Variants in TNPO1 observed in about 807,000 individuals in gnomAD.
The protein encoded by TNPO1 is transportin 1.
TNPO1 carries 8 observed loss-of-function variants against 119.5 expected under a neutral mutation model. That is an observed-to-expected ratio of 0.07 (90% CI 0.04 to 0.12). The LOEUF is 0.12. Ranked by LOEUF, TNPO1 falls within the 10% of genes least tolerant of loss-of-function variation. TNPO1 has a pLI of 1.00. For synonymous variants in TNPO1, 362 were observed against 363.0 expected (o/e 1.00, Z 0.03); for missense variants, 576 against 1,089.8 (o/e 0.53, Z 6.64).
intron 7 of TNPO1, among the ~76,000 whole-genome samples, chr5:72,872,987 A>G (rs186891720): frequency 6.6e-6 from 1 of 152,120 alleles, no homozygotes; most frequent in African/African-American, 2.4e-5. Context: ...TAGTATCTTG[A>G]CTACTTTAAA....
At chr5:72,820,734 T>G (rs1743924010) in intron 1 of TNPO1, among the ~76,000 whole-genome samples, 1 of 152,166 alleles carries the variant, frequency 6.6e-6, no homozygotes, top group Non-Finnish European at 1.5e-5. Flanking sequence ...ATTCAGAATT[T>G]TATACTATAA....
At chr5:72,873,173 TC>T (rs1333693627) in intron 7 of TNPO1, among the ~76,000 whole-genome samples, 8 of 152,008 alleles carry the variant, frequency 5.3e-5, no homozygotes, top group Non-Finnish European at 1.2e-4. Flanking sequence ...ATTAGAGGCA[TC>T]AGGAAAAATA....
chr5:72,883,371 A>G, intron 11 of TNPO1, 139 bp downstream of exon 11: 1 of 620,292 alleles, frequency 1.6e-6, no homozygotes, highest in South Asian at 2.0e-5. Flanking sequence ...CTGTTCAACC[A>G]TTACCACAAT....
At chr5:72,880,839 A>AT (rs1032338367) in intron 9 of TNPO1, among the ~76,000 whole-genome samples, 7 of 142,486 alleles carry the variant, frequency 4.9e-5, no homozygotes, top group African/African-American at 1.8e-4. Context: ...AAAAAACCTC[A>AT]TTTTTAATGG....
chr5:72,897,711 C>T (rs941673727), intron 20 of TNPO1, among the ~76,000 whole-genome samples: 1 of 150,828 alleles, frequency 6.6e-6, no homozygotes, highest in Non-Finnish European at 1.5e-5. Context: ...ACCTTCCATA[C>T]TATAGAACAC....
intron 1 of TNPO1, among the ~76,000 whole-genome samples, chr5:72,832,916 T>C (rs776956072): frequency 1.3e-5 from 2 of 152,146 alleles, no homozygotes; most frequent in Non-Finnish European, 1.5e-5. Flanking sequence ...CTGGGTATAT[T>C]CATTAGACTT....
In TNPO1 at chr5:72,893,816, T is replaced by C. The variant is rs546697007; in HGVS notation, c.2143+113T>C. ...CATGGAATCCCAACATTTATAAATG[T>C]ACACTTTATTGGTTAAAGTAAACTT... is the stretch of plus-strand genomic sequence containing the variant. On this transcript the variant is annotated intron_variant, in intron 18 of 24. Coordinates refer to ENST00000337273, the MANE Select transcript of TNPO1 (RefSeq NM_002270.4). 32 of 990,432 alleles carry C rather than the reference T, an allele frequency of 3.2e-5. No individual in the cohort carries two copies. The African/African-American group carries it at 4.2e-4, about 13-fold the overall frequency. 61.4% of individuals were successfully genotyped at this position (990,432 alleles called of 1,614,324 possible).
intron 4 of TNPO1, among the ~76,000 whole-genome samples, chr5:72,858,652 A>G (rs1359501538): frequency 6.6e-6 from 1 of 152,156 alleles, no homozygotes; most frequent in South Asian, 2.1e-4. Flanking sequence ...CCTGGCTAAC[A>G]TGGTGAAACC....
intron 5 of TNPO1, 72 bp from the exon 6 acceptor site, chr5:72,865,524 A>G: frequency 1.3e-6 from 2 of 1,501,028 alleles, no homozygotes; most frequent in Non-Finnish European, 1.8e-6. Flanking sequence ...CAAATTAATC[A>G]GCATTCTTCA....
rs76052659 is a variant in TNPO1, at chr5:72,855,330, A to G, written c.206-444A>G. Among the ~76,000 whole-genome samples the G allele has an allele frequency of 9.1e-3, 1,382 of 152,282 alleles. 23 individuals are homozygous for G. Among genetic ancestry groups the G allele is most frequent in the African/African-American group, 0.032 (1,324 of 41,538 alleles). ...GGATATGTTTAAGACTAGTACTTCC[A>G]GCTCTATAATGATGTGTATATCAGG... On this transcript the variant is annotated intron_variant, in intron 3 of 24. Coordinates refer to ENST00000337273, the MANE Select transcript of TNPO1 (RefSeq NM_002270.4).
intron 5 of TNPO1, 146 bp downstream of exon 5, chr5:72,862,060 C>T (rs1351925044): frequency 1.4e-5 from 8 of 577,676 alleles, no homozygotes; most frequent in African/African-American, 1.3e-4. Flanking sequence ...TGTTATATTA[C>T]ATTTGTAAAT....
intron 6 of TNPO1, among the ~76,000 whole-genome samples, chr5:72,870,235 A>T (rs1485336730): frequency 7.6e-6 from 1 of 132,166 alleles, no homozygotes; most frequent in Non-Finnish European, 1.5e-5. Context: ...ATCCCTGCTC[A>T]CTGCAACCTC....
chr5:72,871,807 G>A (rs1185687301), intron 6 of TNPO1: 1 of 152,204 alleles, frequency 6.6e-6, no homozygotes, highest in African/African-American at 2.4e-5. Context: ...GGGTAAGGGA[G>A]GAGCCACAGT....
intron 1 of TNPO1, among the ~76,000 whole-genome samples, chr5:72,838,404 A>G (rs1744779987): frequency 6.6e-6 from 1 of 152,140 alleles, no homozygotes; most frequent in African/African-American, 2.4e-5. Context: ...TGGCTTATCA[A>G]CTGTTTAGGT....
In TNPO1 at chr5:72,833,054, C is replaced by T. The variant is rs1744547592; in HGVS notation, c.16-15331C>T. Among the ~76,000 whole-genome samples, 3 of 152,284 alleles carry T rather than the reference C, an allele frequency of 2.0e-5. No homozygotes were observed. The South Asian group carries it at 6.2e-4, about 32-fold the overall frequency. Reference sequence around the variant, plus strand: ...CCTGCAATTCCTAGAGAACTCCCTGCTGCTGAAAACTGCCTTCTTCCTGAT... The same window carrying T: ...CCTGCAATTCCTAGAGAACTCCCTGTTGCTGAAAACTGCCTTCTTCCTGAT... On this transcript the variant is annotated intron_variant, in intron 1 of 24. Transcript: ENST00000337273.
intron 3 of TNPO1, among the ~76,000 whole-genome samples, chr5:72,851,729 G>A (rs963878190): frequency 6.6e-6 from 1 of 152,136 alleles, no homozygotes; most frequent in Non-Finnish European, 1.5e-5. Context: ...CCTGGCCTCT[G>A]GGGATTCGCC....
chr5:72,884,240 T>C (rs533534246), intron 11 of TNPO1, among the ~76,000 whole-genome samples: 14 of 152,346 alleles, frequency 9.2e-5, no homozygotes, highest in African/African-American at 3.1e-4. Flanking sequence ...ATTATCTCTT[T>C]ATTATTATAG....
intron 2 of TNPO1, among the ~76,000 whole-genome samples, chr5:72,850,817 G>A (rs1745488720): frequency 1.3e-5 from 2 of 152,002 alleles, no homozygotes; most frequent in Admixed American, 6.5e-5. Context: ...TTTTTTAAAA[G>A]TTATTCTATA....
chr5:72,826,607 T>G, intron 1 of TNPO1, among the ~76,000 whole-genome samples: 1 of 152,184 alleles, frequency 6.6e-6, no homozygotes, highest in East Asian at 1.9e-4. Context: ...AATGAATTGT[T>G]CGTGATGGTG....
Sources: allele counts gnomAD v4.1 joint callset (sites outside exome capture counted in the v4.1 genomes callset), GRCh38; gene constraint gnomAD v4.1.1; transcripts MANE v1.5; gene names NCBI Gene and HGNC (gene_info 2026-07-23, HGNC 2026-07-21).